Variants in CAMK4 observed in about 807,000 individuals in gnomAD.
CAMK4 encodes calcium/calmodulin-dependent protein kinase type IV.
A neutral mutation model predicts 44.9 loss-of-function variants in CAMK4; 22 were observed. That is an observed-to-expected ratio of 0.49 (90% CI 0.35 to 0.70). The LOEUF (loss-of-function observed/expected upper bound fraction) is 0.70. Ranked by LOEUF, CAMK4 falls within the 30% of genes least tolerant of loss-of-function variation. CAMK4 has a pLI of 0.01. For synonymous variants in CAMK4, 218 were observed against 215.4 expected, an observed-to-expected ratio of 1.01 and a Z score of -0.11; for missense variants, 498 against 586.8, an observed-to-expected ratio of 0.85 and a Z score of 1.56.
chr5:111,302,525 C>A (rs1158834398), intron 1 of CAMK4: 2 of 134,226 alleles, frequency 1.5e-5, no homozygotes, highest in African/African-American at 6.1e-5. Flanking sequence ...CCGAATATTG[C>A]GCTTTTCAGA....
At chr5:111,395,268 G>A (rs574614410) in intron 5 of CAMK4, among the ~76,000 whole-genome samples, 17 of 149,404 alleles carry the variant, frequency 1.1e-4, no homozygotes, top group African/African-American at 3.7e-4. Flanking sequence ...GAAAGAAAAT[G>A]TATGGAATAA....
At chr5:111,351,586 T>G (rs1750108076) in intron 2 of CAMK4, among the ~76,000 whole-genome samples, 1 of 151,526 alleles carries the variant, frequency 6.6e-6, no homozygotes, top group African/African-American at 2.4e-5. Flanking sequence ...TTGTATTTTT[T>G]TTTTTAGTAG....
chr5:111,441,142 A>C (rs1753808773), intron 5 of CAMK4, among the ~76,000 whole-genome samples: 1 of 152,200 alleles, frequency 6.6e-6, no homozygotes, highest in South Asian at 2.1e-4. Flanking sequence ...TGTTTCAGAA[A>C]CAATGCAAAA....
chr5:111,359,067 A>C (rs1159787759), intron 2 of CAMK4, among the ~76,000 whole-genome samples: 2 of 152,132 alleles, frequency 1.3e-5, no homozygotes, highest in Admixed American at 6.6e-5. Context: ...TAACAGAATG[A>C]TTTATATTCC....
chr5:111,474,527 G>A (rs1342736286), intron 8 of CAMK4, among the ~76,000 whole-genome samples: 1 of 152,138 alleles, frequency 6.6e-6, no homozygotes, highest in African/African-American at 2.4e-5. Flanking sequence ...TGCCTCCCAA[G>A]GGCTCCATCT....
chr5:111,407,773 A>C (rs1415320130), intron 5 of CAMK4, among the ~76,000 whole-genome samples: 1 of 152,130 alleles, frequency 6.6e-6, no homozygotes, highest in African/African-American at 2.4e-5. Context: ...TTAGATATAT[A>C]GATATAGTTT....
intron 1 of CAMK4, among the ~76,000 whole-genome samples, chr5:111,301,227 T>A (rs1747706967): frequency 6.6e-6 from 1 of 152,220 alleles, no homozygotes; most frequent in Non-Finnish European, 1.5e-5. Flanking sequence ...ATTGAAAAGA[T>A]TATTTACTGG....
intron 2 of CAMK4, among the ~76,000 whole-genome samples, chr5:111,370,134 C>A (rs879636468): frequency 6.6e-6 from 1 of 152,000 alleles, no homozygotes; most frequent in South Asian, 2.1e-4. Context: ...AAAATAATTA[C>A]CTTTTTAAGA....
At chr5:111,309,232 A>T (rs943263751) in intron 1 of CAMK4, among the ~76,000 whole-genome samples, 4 of 152,190 alleles carry the variant, frequency 2.6e-5, no homozygotes, top group Non-Finnish European at 5.9e-5. Context: ...TGTACACCAA[A>T]CCAAATGCCT....
chr5:111,397,130 T>C (rs1404413626), intron 5 of CAMK4, among the ~76,000 whole-genome samples: 2 of 152,254 alleles, frequency 1.3e-5, no homozygotes, highest in Non-Finnish European at 2.9e-5. Flanking sequence ...ACTATCACTT[T>C]ACCTGAATCA....
chr5:111,228,454 G>T (rs552745476), intron 1 of CAMK4, among the ~76,000 whole-genome samples: 2 of 150,456 alleles, frequency 1.3e-5, no homozygotes, highest in African/African-American at 4.9e-5. Flanking sequence ...AATTATATAG[G>T]ATCCCTTGCT....
chr5:111,443,319 A>ATATATATAC (rs1162585274), intron 5 of CAMK4, among the ~76,000 whole-genome samples: 2 of 137,358 alleles, frequency 1.5e-5, no homozygotes, highest in African/African-American at 2.8e-5. Context: ...CACACACTAT[A>ATATATATAC]TATATATACT....
intron 1 of CAMK4, among the ~76,000 whole-genome samples, chr5:111,309,119 G>T (rs1748088360): frequency 6.6e-6 from 1 of 152,224 alleles, no homozygotes; most frequent in East Asian, 1.9e-4. Flanking sequence ...GAGCAATGCA[G>T]TGTCACAAGG....
At chr5:111,311,780 C>T (rs1054784906) in intron 1 of CAMK4, among the ~76,000 whole-genome samples, 5 of 152,026 alleles carry the variant, frequency 3.3e-5, no homozygotes, top group Admixed American at 6.6e-5. Flanking sequence ...TTATATAAAC[C>T]AGCTGTGTTT....
chr5:111,426,912 C>G (rs1250388502), intron 5 of CAMK4, among the ~76,000 whole-genome samples: 1 of 152,170 alleles, frequency 6.6e-6, no homozygotes, highest in Non-Finnish European at 1.5e-5. Flanking sequence ...GGTAAACTTG[C>G]AAGGCAGTCT....
intron 1 of CAMK4, among the ~76,000 whole-genome samples, chr5:111,325,865 A>G (rs979876750): frequency 2.8e-4 from 43 of 152,078 alleles, no homozygotes; most frequent in African/African-American, 9.4e-4. Flanking sequence ...GGATAAAGCC[A>G]TGGGATAAAG....
At chr5:111,287,495 CAAT>C (rs1389004872) in intron 1 of CAMK4, among the ~76,000 whole-genome samples, 2 of 152,136 alleles carry the variant, frequency 1.3e-5, no homozygotes, top group Non-Finnish European at 1.5e-5. Context: ...TTAATACTGT[CAAT>C]GATGATTTAA....
At chr5:111,404,032 G>A (rs1561465873) in intron 5 of CAMK4, among the ~76,000 whole-genome samples, 2 of 152,210 alleles carry the variant, frequency 1.3e-5, no homozygotes, top group South Asian at 4.1e-4. Context: ...AGGTTGGGAA[G>A]TGCAGCCAGT....
At chr5:111,469,157 AAAAAAAAAAAAAAAAATATAT>A (rs1225141272) in intron 7 of CAMK4, among the ~76,000 whole-genome samples, 1 of 79,192 alleles carries the variant, frequency 1.3e-5, no homozygotes, top group African/African-American at 5.2e-5. Flanking sequence ...AAAAAAAAAA[AAAAAAAAAAAAAAAAATATAT>A]ATATATATAT....
Sources: gnomAD v4.1 joint callset for allele counts (sites outside exome capture counted in the v4.1 genomes callset) on GRCh38, gnomAD v4.1.1 for gene constraint, MANE v1.5 for transcripts, NCBI Gene and HGNC (gene_info 2026-07-23, HGNC 2026-07-21) for gene names.